The following GSDMC variants were observed in gnomAD, a reference collection of about 807,000 sequenced individuals.
The protein encoded by GSDMC is gasdermin-C.
GSDMC carries 59 observed loss-of-function variants against 58.0 expected under a neutral mutation model. The observed-to-expected ratio is 1.02, with a 90% CI of 0.82 to 1.26. The LOEUF (loss-of-function observed/expected upper bound fraction) is 1.26. GSDMC is among the 50% of genes most tolerant of loss of function. GSDMC has a pLI of 0.00. For synonymous variants in GSDMC, 241 were observed against 220.2 expected (o/e 1.09, Z -0.83); for missense variants, 659 against 598.5 (o/e 1.10, Z -1.06).
intron 3 of GSDMC, among the ~76,000 whole-genome samples, chr8:129,774,164 A>G (rs2034147469): frequency 6.6e-6 from 1 of 152,228 alleles, no homozygotes; most frequent in Non-Finnish European, 1.5e-5. Flanking sequence ...TTACAAAGCT[A>G]TAGAAGTTAA....
chr8:129,707,787 CA>C, the GSDMC span, among the ~76,000 whole-genome samples: 1 of 152,238 alleles, frequency 6.6e-6, no homozygotes, highest in Non-Finnish European at 1.5e-5. Flanking sequence ...CGCTTTTCAT[CA>C]ACCATCATTC....
At chr8:129,754,105 C>G (rs887444855) in intron 6 of GSDMC, among the ~76,000 whole-genome samples, 6 of 152,250 alleles carry the variant, frequency 3.9e-5, no homozygotes, top group Non-Finnish European at 7.3e-5. Context: ...AAAAATCTCA[C>G]TGGCTTTGTC....
the GSDMC span, among the ~76,000 whole-genome samples, chr8:129,739,322 C>A: frequency 6.6e-6 from 1 of 152,128 alleles, no homozygotes; most frequent in Non-Finnish European, 1.5e-5. Context: ...ATCCTGTGCA[C>A]TATTAGGATT....
At chr8:129,742,143 A>G in the GSDMC span, among the ~76,000 whole-genome samples, 1 of 152,012 alleles carries the variant, frequency 6.6e-6, no homozygotes, top group African/African-American at 2.4e-5. Flanking sequence ...GGGCGGGACT[A>G]AGATGGGGGT....
At chr8:129,732,234 C>G in the GSDMC span, among the ~76,000 whole-genome samples, 2 of 151,452 alleles carry the variant, frequency 1.3e-5, no homozygotes, top group East Asian at 3.9e-4. Flanking sequence ...GATCATTGAT[C>G]TTAGATTTCC....
At chr8:129,731,780 T>G in the GSDMC span, among the ~76,000 whole-genome samples, 1 of 152,200 alleles carries the variant, frequency 6.6e-6, no homozygotes, top group Non-Finnish European at 1.5e-5. Context: ...AAGTTTGACC[T>G]TATAACTGGA....
At chr8:129,754,679 T>C (rs2033358532) in intron 6 of GSDMC, among the ~76,000 whole-genome samples, 1 of 152,192 alleles carries the variant, frequency 6.6e-6, no homozygotes, top group Admixed American at 6.5e-5. Flanking sequence ...GAATTCAGAA[T>C]AGTATTTTGA....
rs1325125520 is a variant in GSDMC at position 129,777,385 on chromosome 8, G to A, written c.203C>T (p.Pro68Leu). 1 of 1,610,104 alleles carries A rather than the reference G, an allele frequency of 6.2e-7. No homozygotes were observed. The highest frequency in any genetic ancestry group is 1.7e-5 in the Admixed American group (1 of 60,022). Residue 68 changes from proline (P) to leucine (L), a missense_variant, in exon 2 of 14, where the codon CCA becomes CTA. Coordinates refer to ENST00000276708, the MANE Select transcript of GSDMC (RefSeq NM_031415.3). ...GACAATACCTAGGACTGAAGAACTT[G>A]GCTCCAGGATGTCATTGAGGGAGAA... ...VEFSLNDILE[P>L]SSSVLETVVT...
At chr8:129,733,755 G>T in the GSDMC span, among the ~76,000 whole-genome samples, 7 of 147,106 alleles carry the variant, frequency 4.8e-5, no homozygotes, top group South Asian at 1.1e-3. Context: ...AAACCAGAGC[G>T]CCTCTTCTCC....
the GSDMC span, among the ~76,000 whole-genome samples, chr8:129,736,824 C>G: frequency 6.6e-6 from 1 of 152,232 alleles, no homozygotes; most frequent in African/African-American, 2.4e-5. Flanking sequence ...GAAGGGTATT[C>G]AATTAAGAAA....
the GSDMC span, among the ~76,000 whole-genome samples, chr8:129,719,309 T>C: frequency 6.6e-6 from 1 of 152,260 alleles, no homozygotes; most frequent in African/African-American, 2.4e-5. Context: ...AGAGATCAAT[T>C]CATCAAGCAA....
At chr8:129,711,725 C>T in the GSDMC span, among the ~76,000 whole-genome samples, 1 of 152,232 alleles carries the variant, frequency 6.6e-6, no homozygotes, top group Non-Finnish European at 1.5e-5. Context: ...TACTTGACAT[C>T]TCTAGGCCAC....
chr8:129,728,931 C>T, the GSDMC span: 8 of 666,188 alleles, frequency 1.2e-5, no homozygotes, highest in Non-Finnish European at 2.3e-5. Context: ...GGTCAGGAGG[C>T]CCGAGGTGGT....
the GSDMC span, chr8:129,707,190 G>C: frequency 7.2e-6 from 1 of 138,160 alleles, no homozygotes; most frequent in Non-Finnish European, 1.7e-5. Context: ...AGCCTGGATA[G>C]AAAAAAAAAA....
intron 3 of GSDMC, among the ~76,000 whole-genome samples, chr8:129,766,922 C>T (rs950193515): frequency 2.6e-5 from 4 of 152,168 alleles, no homozygotes; most frequent in African/African-American, 9.7e-5. Flanking sequence ...CCTGCGGTCA[C>T]CTAGAAGCAA....
chr8:129,708,677 G>A, the GSDMC span, among the ~76,000 whole-genome samples: 1 of 152,254 alleles, frequency 6.6e-6, no homozygotes, highest in Non-Finnish European at 1.5e-5. Context: ...AGCCAAGTGG[G>A]TTTTCTCCTA....
At chr8:129,712,790 T>C in the GSDMC span, among the ~76,000 whole-genome samples, 1 of 152,190 alleles carries the variant, frequency 6.6e-6, no homozygotes, top group Non-Finnish European at 1.5e-5. Context: ...GAAATTAAGT[T>C]TCATTTTACC....
the GSDMC span, among the ~76,000 whole-genome samples, chr8:129,725,924 A>C: frequency 1.3e-5 from 2 of 152,250 alleles, no homozygotes; most frequent in Non-Finnish European, 2.9e-5. Context: ...CCACCAAGAT[A>C]ATGAATCCCA....
At chr8:129,765,870 C>T (rs1182187734) in intron 3 of GSDMC, 77 bp from the exon 4 acceptor site, 2 of 1,233,510 alleles carry the variant, frequency 1.6e-6, no homozygotes, top group Non-Finnish European at 1.1e-6. Context: ...GTGCCCTTCT[C>T]CCCAAGACCT....
Sources: gnomAD v4.1 joint callset for allele counts (sites outside exome capture counted in the v4.1 genomes callset) on GRCh38, gnomAD v4.1.1 for gene constraint, MANE v1.5 for transcripts, NCBI Gene and HGNC (gene_info 2026-07-23, HGNC 2026-07-21) for gene names.